NATD1: variants seen among roughly 807,000 people sequenced by gnomAD.
The protein encoded by NATD1 is N-acetyltransferase domain containing 1, also known as protein NATD1.
A neutral mutation model predicts 12.0 loss-of-function variants in NATD1; 9 were observed. That is an observed-to-expected ratio of 0.75 (90% CI 0.45 to 1.30). NATD1 has a LOEUF of 1.30. Among genes scored for constraint, NATD1 ranks in the 50% most tolerant of loss-of-function variants. NATD1 has a pLI of 0.00. For missense variants in NATD1, 148 were observed against 148.5 expected (o/e 1.00, Z 0.02); for synonymous variants, 71 against 65.9 (o/e 1.08, Z -0.37).
rs539059095 is a variant in NATD1 at position 21,246,766 on chromosome 17, G to C, written c.107-2542C>G. Among the ~76,000 whole-genome samples the C allele has an allele frequency of 7.9e-5, 12 of 152,288 alleles. No individual in the cohort carries two copies. In the East Asian group the frequency reaches 2.3e-3, roughly 29 times the overall value. On this transcript the variant is annotated intron_variant, in intron 1 of 2. Transcript: ENST00000611551. ...AAGGATCACTATACAGCAGAGGAGG[G>C]GTGGGGAGGGGCAGGGCTGCCACTG...
At position 21,253,276 on chromosome 17, in the gene NATD1, G is replaced by A. The variant is rs1975397130; in HGVS notation, c.-12C>T. The A allele has an allele frequency of 4.1e-6, 4 of 983,798 alleles. No homozygotes were observed. In the South Asian group the frequency reaches 1.4e-4, roughly 33 times the overall value. 60.9% of individuals were successfully genotyped at this position (983,798 alleles called of 1,614,324 possible). Reference sequence around the variant, plus strand: ...GCCGAGTGCGCCATCTGCGCGCGGGGCTGCGGCGCGGCGCCGGCGGGGGCC... The same window carrying A: ...GCCGAGTGCGCCATCTGCGCGCGGGACTGCGGCGCGGCGCCGGCGGGGGCC... On this transcript the variant is annotated 5_prime_UTR_variant, in exon 1 of 3. Coordinates refer to ENST00000611551, the MANE Select transcript of NATD1 (RefSeq NM_152914.3).
chr17:21,252,591 A>C (rs1443690602), intron 1 of NATD1, among the ~76,000 whole-genome samples: 1 of 145,740 alleles, frequency 6.9e-6, no homozygotes, highest in East Asian at 2.0e-4. Flanking sequence ...CCCGCCCCTC[A>C]CTCCCCCCAG....
At chr17:21,246,618 T>C (rs909993178) in intron 1 of NATD1, among the ~76,000 whole-genome samples, 2 of 152,030 alleles carry the variant, frequency 1.3e-5, no homozygotes, top group African/African-American at 4.8e-5. Context: ...GCCCAGGAGT[T>C]TGGGGCTGTA....
At chr17:21,252,937 C>T (rs1975392017) in intron 1 of NATD1, among the ~76,000 whole-genome samples, 1 of 151,606 alleles carries the variant, frequency 6.6e-6, no homozygotes, top group Admixed American at 6.6e-5. Flanking sequence ...CTTCCCGGAG[C>T]GCCGGCCGCG....
chr17:21,248,557 C>T (rs1567645932), intron 1 of NATD1, among the ~76,000 whole-genome samples: 1 of 152,206 alleles, frequency 6.6e-6, no homozygotes, highest in African/African-American at 2.4e-5. Context: ...AGAAGCCTCC[C>T]CTGACCACCC....
Position 21,243,196 on chromosome 17 carries a change from T to C in NATD1, c.*117A>G, listed in dbSNP as rs1567644692. ...GGACGTGGGGCACAGATGAGTGTCC[T>C]TACAAAAATAACTCTGAGTCTGTTC... is the stretch of plus-strand genomic sequence containing the variant. On this transcript the variant is annotated 3_prime_UTR_variant, in exon 3 of 3. Coordinates refer to ENST00000611551, the MANE Select transcript of NATD1 (RefSeq NM_152914.3). The C allele has an allele frequency of 1.3e-6, 1 of 751,880 alleles. No individual in the cohort carries two copies. Among genetic ancestry groups the C allele is most frequent in the East Asian group, 2.6e-5 (1 of 38,222 alleles). The allele number at this position is 751,880 out of a possible 1,614,324, so 46.6% of individuals were successfully genotyped here.
Position 21,240,655 on chromosome 17 carries a change from TCTGTGGGAGAC to T in NATD1, c.*2647_*2657del, listed in dbSNP as rs1302175806. On this transcript the variant is annotated 3_prime_UTR_variant, in exon 3 of 3. Coordinates refer to ENST00000611551, the MANE Select transcript of NATD1 (RefSeq NM_152914.3). ...AGGGTGAGGCGGGCAGAAAAGCAGC[TCTGTGGGAGAC>T]CTGCAGGCCCCTGAGCATCCCCTGC... is the stretch of plus-strand genomic sequence containing the variant. The T allele has an allele frequency of 6.6e-6, 1 of 152,462 alleles. No individual in the cohort carries two copies. Among genetic ancestry groups the T allele is most frequent in the Non-Finnish European group, 1.5e-5 (1 of 68,054 alleles). 9.4% of individuals were successfully genotyped at this position (152,462 alleles called of 1,614,324 possible).
chr17:21,246,214 CATT>C (rs1238697362), intron 1 of NATD1, among the ~76,000 whole-genome samples: 2 of 152,102 alleles, frequency 1.3e-5, no homozygotes, highest in East Asian at 3.9e-4. Flanking sequence ...TAAGTAATAT[CATT>C]ATAAATAATA....
intron 1 of NATD1, among the ~76,000 whole-genome samples, chr17:21,247,366 C>T (rs1229320489): frequency 2.6e-5 from 4 of 152,226 alleles, no homozygotes; most frequent in Non-Finnish European, 5.9e-5. Flanking sequence ...CAGGCCTGCA[C>T]CTCAGGCTGT....
rs1410358555 is a variant in NATD1 at position 21,244,669 on chromosome 17, C to T, written c.107-445G>A. Among the ~76,000 whole-genome samples the T allele has an allele frequency of 1.3e-5, 2 of 152,198 alleles. No homozygotes were observed. Among genetic ancestry groups the T allele is most frequent in the Non-Finnish European group, 2.9e-5 (2 of 68,040 alleles). On this transcript the variant is annotated intron_variant, in intron 1 of 2. Coordinates refer to ENST00000611551, the MANE Select transcript of NATD1 (RefSeq NM_152914.3). This position sits in a 1 kb window ranked among gnomAD's most constrained non-coding sequence, Gnocchi z 5.2. The stretch of plus-strand genomic sequence containing the variant: ...GCATGAAGAGATTAGAGAGGCAGCG[C>T]TGCGCCACGCATCAGGACCACCTGC...
intron 1 of NATD1, among the ~76,000 whole-genome samples, chr17:21,252,617 T>A (rs1975387797): frequency 6.6e-6 from 1 of 151,204 alleles, no homozygotes; most frequent in African/African-American, 2.4e-5. Flanking sequence ...CACAAGCCCC[T>A]TTCGCGGTCA....
rs1319831101 is a variant in NATD1, at chr17:21,243,476, C to A, written c.226-47G>T. Reference sequence around the variant, plus strand: ...GAGTGGTCAGGGCCTGCAGCCGGCACCAGAAGGTAGCATTGTCTGCTGCCT... The same window carrying A: ...GAGTGGTCAGGGCCTGCAGCCGGCAACAGAAGGTAGCATTGTCTGCTGCCT... On this transcript the variant is annotated intron_variant, in intron 2 of 2. Coordinates refer to ENST00000611551, the MANE Select transcript of NATD1 (RefSeq NM_152914.3). 4.0e-6 allele frequency: 6 copies of A among 1,495,600 alleles called. No individual in the cohort carries two copies. In the South Asian group the frequency reaches 6.8e-5, roughly 17 times the overall value. The allele number at this position is 1,495,600 out of a possible 1,614,324, so 92.6% of individuals were successfully genotyped here.
chr17:21,249,030 C>T lies in NATD1; in HGVS notation c.106+4129G>A, dbSNP rs78777853. ...TCTGCACCCCCATGCTCTCTCTGCCCCTCCTGAACCTCGGGACCAAAGGGG... is the reference window on the plus strand; with the variant it reads ...TCTGCACCCCCATGCTCTCTCTGCCTCTCCTGAACCTCGGGACCAAAGGGG... On this transcript the variant is annotated intron_variant, in intron 1 of 2. Coordinates refer to ENST00000611551, the MANE Select transcript of NATD1 (RefSeq NM_152914.3). 4.0e-3 allele frequency among the ~76,000 whole-genome samples: 609 copies of T among 152,232 alleles called. 6 individuals carry two copies. The highest frequency in any genetic ancestry group is 0.014 in the African/African-American group (594 of 41,538).
chr17:21,247,973 A>T (rs1975341278), intron 1 of NATD1, among the ~76,000 whole-genome samples: 1 of 152,042 alleles, frequency 6.6e-6, no homozygotes, highest in Admixed American at 6.5e-5. Flanking sequence ...AGGTGTATGG[A>T]GTTGACTGGG....
intron 1 of NATD1, among the ~76,000 whole-genome samples, chr17:21,251,765 C>T (rs531445514): frequency 3.3e-4 from 51 of 152,318 alleles, no homozygotes; most frequent in African/African-American, 1.2e-3. Context: ...GGAGCCCCAC[C>T]GTTCAGGGAG....
Position 21,253,242 on chromosome 17 carries a change from A to C in NATD1, c.23T>G (p.Val8Gly), listed in dbSNP as rs1284417785. Reference protein sequence around the residue: MAHSAAAVPLGALEQGCP... With the variant: MAHSAAAGPLGALEQGCP... ...GCCCTGCTCCAGCGCGCCCAGCGGCACGGCGGCAGCCGAGTGCGCCATCTG... is the reference window on the plus strand; with the variant it reads ...GCCCTGCTCCAGCGCGCCCAGCGGCCCGGCGGCAGCCGAGTGCGCCATCTG... Residue 8 changes from valine (V) to glycine (G), a missense_variant, in exon 1 of 3, where the codon GTG (valine) becomes GGG (glycine). Physicochemically the swap from Val to Gly is moderately radical, Grantham distance 109. Coordinates refer to ENST00000611551, the MANE Select transcript of NATD1 (RefSeq NM_152914.3). 1.3e-5 allele frequency: 13 copies of C among 997,724 alleles called. No homozygotes were observed. Among genetic ancestry groups the C allele is most frequent in the African/African-American group, 1.8e-5 (1 of 56,742 alleles). 61.8% of individuals were successfully genotyped at this position (997,724 alleles called of 1,614,324 possible).
chr17:21,247,313 C>G (rs778374269), intron 1 of NATD1, among the ~76,000 whole-genome samples: 4 of 152,266 alleles, frequency 2.6e-5, no homozygotes, highest in Non-Finnish European at 5.9e-5. Context: ...TGTGGCAGAC[C>G]TGTGGACAAC....
At chr17:21,245,276 G>A (rs541127057) in intron 1 of NATD1, among the ~76,000 whole-genome samples, 8 of 152,130 alleles carry the variant, frequency 5.3e-5, no homozygotes, top group Non-Finnish European at 8.8e-5. Context: ...GAGGTGATAG[G>A]GCAGGTCCTG....
intron 1 of NATD1, among the ~76,000 whole-genome samples, chr17:21,247,238 C>T (rs1048870963): frequency 7.2e-5 from 11 of 152,214 alleles, no homozygotes; most frequent in Non-Finnish European, 1.3e-4. Context: ...GGCGTAGACA[C>T]CCAAGAAATG....
Sources: gnomAD v4.1 joint callset for allele counts (sites outside exome capture counted in the v4.1 genomes callset) on GRCh38, gnomAD v4.1.1 for gene constraint, Gnocchi (gnomAD v3.1) non-coding constraint, MANE v1.5 for transcripts, NCBI Gene and HGNC (gene_info 2026-07-23, HGNC 2026-07-21) for gene names.